Variants in NCKAP5 observed in about 807,000 individuals in gnomAD.
NCKAP5 encodes NCK associated protein 5, also known as nck-associated protein 5.
A neutral mutation model predicts 167.0 loss-of-function variants in NCKAP5; 92 were observed. That is an observed-to-expected ratio of 0.55 (90% CI 0.47 to 0.66). The LOEUF is 0.66. Ranked by LOEUF, NCKAP5 falls within the 30% of genes least tolerant of loss-of-function variation. The probability of loss-of-function intolerance (pLI) is 0.00; values close to 1 mark genes in which losing one functional copy is unlikely to be tolerated. For synonymous variants in NCKAP5, 891 were observed against 877.4 expected, an observed-to-expected ratio of 1.02 and a Z score of -0.27; for missense variants, 2,378 against 2,315.0, an observed-to-expected ratio of 1.03 and a Z score of -0.56.
intron 5 of NCKAP5, among the ~76,000 whole-genome samples, chr2:133,147,546 A>G (rs896345400): frequency 6.6e-6 from 1 of 152,118 alleles, no homozygotes; most frequent in Non-Finnish European, 1.5e-5. Flanking sequence ...GAGACTAATA[A>G]ATTAGAGGTT....
intron 6 of NCKAP5, among the ~76,000 whole-genome samples, chr2:133,035,674 A>G (rs1326558000): frequency 6.6e-6 from 1 of 151,936 alleles, no homozygotes; most frequent in Non-Finnish European, 1.5e-5. Flanking sequence ...AAGAATTCAA[A>G]AGAAGGAAGA....
At chr2:132,738,615 T>G (rs1209627458) in intron 16 of NCKAP5, among the ~76,000 whole-genome samples, 2 of 152,214 alleles carry the variant, frequency 1.3e-5, no homozygotes, top group Non-Finnish European at 2.9e-5. Context: ...TTAACTTCAT[T>G]GACTATTGCC....
chr2:133,456,065 T>A (rs758344178), intron 3 of NCKAP5, among the ~76,000 whole-genome samples: 1 of 152,190 alleles, frequency 6.6e-6, no homozygotes, highest in African/African-American at 2.4e-5. Flanking sequence ...ATTTGTTGTT[T>A]TATGAGCAAT....
intron 16 of NCKAP5, among the ~76,000 whole-genome samples, chr2:132,754,779 G>A (rs1010628125): frequency 1.3e-5 from 2 of 152,210 alleles, no homozygotes; most frequent in African/African-American, 4.8e-5. Context: ...TTTTGGTAAT[G>A]TCCAAAGAAT....
chr2:132,933,135 C>T (rs931015488), intron 8 of NCKAP5, among the ~76,000 whole-genome samples: 4 of 152,012 alleles, frequency 2.6e-5, no homozygotes, highest in Admixed American at 6.6e-5. Context: ...CCGTGTTAGC[C>T]AGGATGGTCT....
intron 10 of NCKAP5, among the ~76,000 whole-genome samples, chr2:132,861,711 TC>T (rs1689928733): frequency 6.6e-6 from 1 of 152,178 alleles, no homozygotes; most frequent in Non-Finnish European, 1.5e-5. Flanking sequence ...TTACCTGGCA[TC>T]CCTCAATACC....
intron 2 of NCKAP5, among the ~76,000 whole-genome samples, chr2:133,535,401 A>G (rs1037077902): frequency 6.6e-6 from 1 of 151,902 alleles, no homozygotes; most frequent in South Asian, 2.1e-4. Flanking sequence ...TTGATTTTCT[A>G]TTTTTGAGTT....
At chr2:133,388,569 G>A (rs1450148416) in intron 3 of NCKAP5, among the ~76,000 whole-genome samples, 1 of 152,214 alleles carries the variant, frequency 6.6e-6, no homozygotes, top group African/African-American at 2.4e-5. Context: ...AAAGCTGTCA[G>A]ACAGGGACAT....
the NCKAP5 span, among the ~76,000 whole-genome samples, chr2:133,662,562 AAG>A: frequency 2.0e-5 from 3 of 149,328 alleles, no homozygotes; most frequent in African/African-American, 7.4e-5. Flanking sequence ...TACAGCACCT[AAG>A]AGAGAGTATA....
intron 3 of NCKAP5, among the ~76,000 whole-genome samples, chr2:133,415,070 C>A (rs531198523): frequency 9.9e-5 from 15 of 152,174 alleles, no homozygotes; most frequent in Non-Finnish European, 1.8e-4. Flanking sequence ...CGGCTGCTGT[C>A]CATTATGTCT....
At chr2:132,718,628 T>C (rs902414706) in intron 19 of NCKAP5, among the ~76,000 whole-genome samples, 6 of 152,210 alleles carry the variant, frequency 3.9e-5, no homozygotes, top group African/African-American at 1.2e-4. Context: ...TCTCTAGCAG[T>C]GTCCTCAAAG....
chr2:132,811,193 A>G (rs924330558), intron 11 of NCKAP5, among the ~76,000 whole-genome samples: 12 of 152,250 alleles, frequency 7.9e-5, no homozygotes, highest in Middle Eastern at 3.4e-3. Context: ...AGTGGACTCC[A>G]TGAGGGTCCT....
intron 6 of NCKAP5, among the ~76,000 whole-genome samples, chr2:133,106,197 G>A (rs1471956169): frequency 7.0e-6 from 1 of 142,314 alleles, no homozygotes; most frequent in Non-Finnish European, 1.5e-5. Context: ...GGAGGCTGAG[G>A]AAGGACAATG....
chr2:132,776,756 C>T (rs2104982895), intron 15 of NCKAP5, among the ~76,000 whole-genome samples: 1 of 152,150 alleles, frequency 6.6e-6, no homozygotes, highest in African/African-American at 2.4e-5. Flanking sequence ...CAGCAGATTC[C>T]CCTTGCTAAT....
intron 4 of NCKAP5, among the ~76,000 whole-genome samples, chr2:133,255,580 C>T (rs771729356): frequency 6.6e-5 from 10 of 152,006 alleles, no homozygotes; most frequent in African/African-American, 7.2e-5. Flanking sequence ...CGAATGGATA[C>T]GAAATGAGGT....
intron 3 of NCKAP5, among the ~76,000 whole-genome samples, chr2:133,491,057 G>A (rs1029442613): frequency 1.3e-5 from 2 of 152,206 alleles, no homozygotes; most frequent in Admixed American, 6.5e-5. Flanking sequence ...AGACAGAGAA[G>A]ATGAGAAATT....
chr2:133,425,545 AAAAG>A (rs1689739113), intron 3 of NCKAP5, among the ~76,000 whole-genome samples: 1 of 152,202 alleles, frequency 6.6e-6, no homozygotes, highest in East Asian at 1.9e-4. Context: ...AGGGCAGAGC[AAAAG>A]AAAGATAAAA....
chr2:133,148,200 T>C (rs972074314), intron 5 of NCKAP5, among the ~76,000 whole-genome samples: 2 of 152,120 alleles, frequency 1.3e-5, no homozygotes, highest in African/African-American at 4.8e-5. Flanking sequence ...CAAAAGTCAA[T>C]GGTTTATAGG....
chr2:133,246,301 A>T (rs527961327), intron 4 of NCKAP5, among the ~76,000 whole-genome samples: 1 of 152,188 alleles, frequency 6.6e-6, no homozygotes, highest in African/African-American at 2.4e-5. Flanking sequence ...GAGCAATGAC[A>T]TGAAAAAAAG....
Sources: allele counts gnomAD v4.1 joint callset (sites outside exome capture counted in the v4.1 genomes callset), GRCh38; gene constraint gnomAD v4.1.1; transcripts MANE v1.5; gene names NCBI Gene and HGNC (gene_info 2026-07-23, HGNC 2026-07-21).